Variants in CACNA1E observed in about 807,000 individuals in gnomAD.
The protein encoded by CACNA1E is voltage-dependent R-type calcium channel subunit alpha-1E.
In CACNA1E, 40 loss-of-function variants were observed where a neutral mutation model predicts 259.2. The observed-to-expected ratio is 0.15, with a 90% confidence interval of 0.12 to 0.20. The LOEUF is 0.20. CACNA1E is among the 10% of genes least tolerant of loss of function. The probability of loss-of-function intolerance (pLI) is 1.00; values close to 1 mark genes in which losing one functional copy is unlikely to be tolerated. For synonymous variants in CACNA1E, 1,104 were observed against 1,138.5 expected (o/e 0.97, Z 0.61); for missense variants, 1,874 against 3,040.1 (o/e 0.62, Z 9.02).
intron 38 of CACNA1E, among the ~76,000 whole-genome samples, chr1:181,780,225 C>A (rs1660306965): frequency 6.6e-6 from 1 of 152,190 alleles, no homozygotes; most frequent in African/African-American, 2.4e-5. Flanking sequence ...CTGAGAGAGT[C>A]CCTACCTTAG....
chr1:181,346,357 C>T (rs1326991256), intron 1 of CACNA1E, among the ~76,000 whole-genome samples: 3 of 152,240 alleles, frequency 2.0e-5, no homozygotes, highest in Non-Finnish European at 4.4e-5. Context: ...ACTTTAAAAA[C>T]ATTTCCCATA....
rs532283343 is a variant in CACNA1E, at chr1:181,445,953, C to T, written c.434+32373C>T. 1.6e-4 allele frequency among the ~76,000 whole-genome samples: 25 copies of T among 152,364 alleles called. No homozygotes were observed. The South Asian group carries it at 5.2e-3, about 32-fold the overall frequency. On this transcript the variant is annotated intron_variant, in intron 2 of 11. Coordinates refer to the CACNA1E transcript ENST00000524607. ...CAGCGCACCACACTGGGCACCCCAG[C>T]ACTTATGGACAGCAGAGGAATGTAA...
chr1:181,460,840 G>C (rs1290964602), intron 2 of CACNA1E, among the ~76,000 whole-genome samples: 2 of 152,186 alleles, frequency 1.3e-5, no homozygotes, highest in Non-Finnish European at 2.9e-5. Context: ...TTGAATTCTA[G>C]TTTGACCCGT....
intron 7 of CACNA1E, among the ~76,000 whole-genome samples, chr1:181,687,880 G>T (rs1324274215): frequency 6.6e-6 from 1 of 152,098 alleles, no homozygotes; most frequent in African/African-American, 2.4e-5. Flanking sequence ...GCCAGAGTCA[G>T]AACTTGAAAC....
intron 1 of CACNA1E, among the ~76,000 whole-genome samples, chr1:181,484,821 G>A (rs1454422229): frequency 6.6e-6 from 1 of 152,158 alleles, no homozygotes; most frequent in Non-Finnish European, 1.5e-5. Flanking sequence ...GAATTCATCC[G>A]CTGAGGCCAG....
In CACNA1E at chr1:181,342,045, G is replaced by T. The variant is rs78466865; in HGVS notation, c.-15+23922G>T. Among the ~76,000 whole-genome samples the T allele has an allele frequency of 3.3e-3, 499 of 152,318 alleles. 5 individuals are homozygous for T. Among genetic ancestry groups the T allele is most frequent in the African/African-American group, 0.011 (470 of 41,576 alleles). Reference sequence around the variant, plus strand: ...GGAGATTTGGGAGTGTCTTCCAAATGAAGTGGTCAAGGGAGTGGTCTGAGG... The same window carrying T: ...GGAGATTTGGGAGTGTCTTCCAAATTAAGTGGTCAAGGGAGTGGTCTGAGG... On this transcript the variant is annotated intron_variant, in intron 1 of 11. Transcript: ENST00000524607.
chr1:181,459,683 A>G (rs1238133024), intron 2 of CACNA1E, among the ~76,000 whole-genome samples: 4 of 152,188 alleles, frequency 2.6e-5, no homozygotes, highest in Non-Finnish European at 5.9e-5. Context: ...TTCAGGTTCC[A>G]GTTGTCACTG....
chr1:181,774,840 AGTT>A (rs1390568491), intron 37 of CACNA1E, among the ~76,000 whole-genome samples: 1 of 152,138 alleles, frequency 6.6e-6, no homozygotes, highest in African/African-American at 2.4e-5. Flanking sequence ...TTTTCCCACC[AGTT>A]GTTATCTATC....
At chr1:181,687,877 TCA>T (rs1388651439) in intron 7 of CACNA1E, among the ~76,000 whole-genome samples, 1 of 152,076 alleles carries the variant, frequency 6.6e-6, no homozygotes, top group African/African-American at 2.4e-5. Context: ...TATGCCAGAG[TCA>T]GAACTTGAAA....
intron 1 of CACNA1E, among the ~76,000 whole-genome samples, chr1:181,407,270 G>A (rs905348056): frequency 6.6e-6 from 1 of 152,096 alleles, no homozygotes; most frequent in Non-Finnish European, 1.5e-5. Context: ...GGGAGTGGGG[G>A]TGGGTCAGGG....
chr1:181,526,187 T>A (rs183248642), intron 3 of CACNA1E, among the ~76,000 whole-genome samples: 4 of 152,166 alleles, frequency 2.6e-5, no homozygotes, highest in African/African-American at 7.2e-5. Flanking sequence ...AAAGGATTTT[T>A]AAAAAATTCT....
intron 25 of CACNA1E, among the ~76,000 whole-genome samples, chr1:181,748,087 T>A (rs1039227873): frequency 2.0e-5 from 3 of 152,230 alleles, no homozygotes; most frequent in Non-Finnish European, 4.4e-5. Context: ...TCCTCTGCAG[T>A]AAGAGACCTG....
chr1:181,390,329 A>ATTTGTTTG (rs58261737), intron 1 of CACNA1E, among the ~76,000 whole-genome samples: 8 of 151,450 alleles, frequency 5.3e-5, no homozygotes, highest in East Asian at 3.9e-4. Flanking sequence ...TTATTTATTT[A>ATTTGTTTG]TTTGTTTTTT....
chr1:181,616,828 CTCTTA>C (rs1345651588), intron 6 of CACNA1E, among the ~76,000 whole-genome samples: 4 of 152,058 alleles, frequency 2.6e-5, no homozygotes, highest in South Asian at 4.2e-4. Flanking sequence ...TTTTTTATGT[CTCTTA>C]TAAGTTACAG....
At chr1:181,741,501 A>G (rs947881095) in intron 25 of CACNA1E, among the ~76,000 whole-genome samples, 1 of 152,162 alleles carries the variant, frequency 6.6e-6, no homozygotes, top group Non-Finnish European at 1.5e-5. Flanking sequence ...TTGATGCACA[A>G]TGTATACAGA....
At chr1:181,342,171 C>T (rs1652200919) in intron 1 of CACNA1E, among the ~76,000 whole-genome samples, 1 of 152,114 alleles carries the variant, frequency 6.6e-6, no homozygotes, top group Admixed American at 6.5e-5. Flanking sequence ...GGTACAAAGG[C>T]CCAGAGGTTG....
intron 1 of CACNA1E, among the ~76,000 whole-genome samples, chr1:181,352,794 GTGTCTCTTT>G (rs1653136210): frequency 6.6e-6 from 1 of 152,226 alleles, no homozygotes; most frequent in African/African-American, 2.4e-5. Flanking sequence ...GACTGTGCCA[GTGTCTCTTT>G]GATCTGTCTC....
chr1:181,471,217 C>T (rs749891122), intron 2 of CACNA1E, among the ~76,000 whole-genome samples: 30 of 152,290 alleles, frequency 2.0e-4, no homozygotes, highest in South Asian at 1.2e-3. Flanking sequence ...AAAGACTTTA[C>T]CTCTTAATAC....
At chr1:181,481,027 C>T (rs548896605), upstream of CACNA1E, among the ~76,000 whole-genome samples, 3 of 152,166 alleles carry the variant, frequency 2.0e-5, no homozygotes, top group Non-Finnish European at 4.4e-5. Context: ...ACAGGGATAC[C>T]GAGATAGCCA....
Sources: gnomAD v4.1 joint callset for allele counts (sites outside exome capture counted in the v4.1 genomes callset) on GRCh38, gnomAD v4.1.1 for gene constraint, MANE v1.5 for transcripts, NCBI Gene and HGNC (gene_info 2026-07-23, HGNC 2026-07-21) for gene names.